Variants in TANK observed in about 807,000 individuals in gnomAD.
TANK encodes the protein TRAF family member associated NFKB activator.
TANK carries 15 observed loss-of-function variants against 43.6 expected under a neutral mutation model. The observed-to-expected ratio is 0.34, with a 90% CI of 0.23 to 0.53. The LOEUF (loss-of-function observed/expected upper bound fraction) is 0.53. Among genes scored for constraint, TANK ranks in the 20% least tolerant of loss-of-function variants. The pLI is 0.94. For missense variants in TANK, 417 were observed against 498.6 expected (o/e 0.84, Z 1.56); for synonymous variants, 162 against 178.2 (o/e 0.91, Z 0.73).
intron 1 of TANK, among the ~76,000 whole-genome samples, chr2:161,167,854 G>C (rs1684758682): frequency 6.6e-6 from 1 of 152,044 alleles, no homozygotes; most frequent in South Asian, 2.1e-4. Flanking sequence ...TCGATCTCCT[G>C]ACCTTGTGAT....
chr2:161,179,976 C>T (rs1447307281), intron 2 of TANK: 2 of 1,229,386 alleles, frequency 1.6e-6, no homozygotes, highest in Non-Finnish European at 2.0e-6. Context: ...TGATGGGCTC[C>T]TTTTCAGGTG....
chr2:161,149,846 T>C (rs927905644), intron 1 of TANK, among the ~76,000 whole-genome samples: 1 of 152,144 alleles, frequency 6.6e-6, no homozygotes, highest in Non-Finnish European at 1.5e-5. Context: ...CACTTGATCA[T>C]GATGTATAAT....
chr2:161,161,603 G>GA (rs1305642931), intron 1 of TANK: 90 of 976,320 alleles, frequency 9.2e-5, no homozygotes, highest in Non-Finnish European at 1.2e-4. Context: ...GCTTTCTTAT[G>GA]AAAATGAGAT....
At chr2:161,169,611 T>A (rs76808339) in intron 1 of TANK, among the ~76,000 whole-genome samples, 2,107 of 152,294 alleles carry the variant, frequency 0.014, 56 homozygotes, top group African/African-American at 0.048. Flanking sequence ...AGTCAAAATT[T>A]GTTGCGAAGG....
intron 6 of TANK, among the ~76,000 whole-genome samples, 164 bp downstream of exon 6, chr2:161,224,910 G>A (rs1687534479): frequency 1.3e-5 from 2 of 152,082 alleles, no homozygotes; most frequent in East Asian, 1.9e-4. Flanking sequence ...GTTCTGTAAT[G>A]TATTACATGT....
intron 2 of TANK, among the ~76,000 whole-genome samples, chr2:161,184,196 C>A (rs557738021): frequency 6.6e-6 from 1 of 152,118 alleles, no homozygotes; most frequent in African/African-American, 2.4e-5. Context: ...ATTAGTATGG[C>A]TAAGTAGTTT....
chr2:161,208,005 A>G (rs1359348141), intron 4 of TANK: 1 of 802,706 alleles, frequency 1.2e-6, no homozygotes, highest in African/African-American at 1.9e-5. Flanking sequence ...AAGTTAATAG[A>G]AATGCTTTGA....
intron 1 of TANK, among the ~76,000 whole-genome samples, chr2:161,152,867 T>C (rs1321418514): frequency 6.6e-6 from 1 of 152,186 alleles, no homozygotes; most frequent in Non-Finnish European, 1.5e-5. Flanking sequence ...GATAATTTGA[T>C]TATAATGCCT....
chr2:161,179,890 A>G (rs1263578064), intron 2 of TANK, 129 bp downstream of exon 2: 5 of 1,291,086 alleles, frequency 3.9e-6, no homozygotes, highest in South Asian at 2.5e-5. Context: ...ATGCAGGTAT[A>G]TATTAATGGA....
chr2:161,185,449 A>G (rs551083948), intron 2 of TANK, among the ~76,000 whole-genome samples: 1 of 152,090 alleles, frequency 6.6e-6, no homozygotes, highest in South Asian at 2.1e-4. Context: ...TGCAGAAGAT[A>G]AATAGAGTGA....
intron 1 of TANK, chr2:161,162,986 G>C (rs1684513580): frequency 6.6e-6 from 1 of 152,112 alleles, no homozygotes; most frequent in African/African-American, 2.4e-5. Flanking sequence ...TTTGCAGTTT[G>C]TGAACCAATC....
At chr2:161,186,149 A>G (rs1685655109) in intron 2 of TANK, among the ~76,000 whole-genome samples, 1 of 152,118 alleles carries the variant, frequency 6.6e-6, no homozygotes, top group Non-Finnish European at 1.5e-5. Context: ...AGATCACACA[A>G]CTGCACTCCA....
At chr2:161,145,408 T>G (rs1446133784) in intron 1 of TANK, among the ~76,000 whole-genome samples, 1 of 151,844 alleles carries the variant, frequency 6.6e-6, no homozygotes, top group Admixed American at 6.6e-5. Flanking sequence ...TGATGCAGTT[T>G]TTTCATAGTG....
At chr2:161,217,585 T>G (rs77579351) in intron 4 of TANK, among the ~76,000 whole-genome samples, 2 of 136,556 alleles carry the variant, frequency 1.5e-5, no homozygotes, top group African/African-American at 5.5e-5. Flanking sequence ...GGTAGTTGGT[T>G]TGTGTGTGTG....
At chr2:161,211,867 C>T in intron 4 of TANK, 3 of 985,174 alleles carry the variant, frequency 3.0e-6, no homozygotes, top group Non-Finnish European at 3.6e-6. Context: ...AAATGTACCG[C>T]TTCTCCTGGT....
chr2:161,142,387 A>G (rs59771801), intron 1 of TANK, among the ~76,000 whole-genome samples: 18,707 of 152,010 alleles, frequency 0.12, 1,863 homozygotes, highest in African/African-American at 0.26. Flanking sequence ...TCGTCATGAA[A>G]TCTTTGCCCA....
intron 7 of TANK, among the ~76,000 whole-genome samples, chr2:161,234,908 C>T (rs530171507): frequency 4.6e-5 from 7 of 152,236 alleles, no homozygotes; most frequent in African/African-American, 7.2e-5. Flanking sequence ...TTGATTAAGA[C>T]GCAATGCACA....
In TANK at chr2:161,218,407, T is replaced by C. The variant is rs891826892; in HGVS notation, c.328-5508T>C. On this transcript the variant is annotated intron_variant, in intron 4 of 7. Transcript: ENST00000392749. Reference sequence around the variant, plus strand: ...CCAGCAGCCAAGCATTATGGCTAAGTAGTTAAAGCTACTGGGGCAAAAAGG... The same window carrying C: ...CCAGCAGCCAAGCATTATGGCTAAGCAGTTAAAGCTACTGGGGCAAAAAGG... Among the ~76,000 whole-genome samples the C allele has an allele frequency of 3.9e-5, 6 of 152,210 alleles. No individual in the cohort carries two copies. The South Asian group carries it at 1.0e-3, about 26-fold the overall frequency.
At chr2:161,209,168 C>G (rs1214320064) in intron 4 of TANK, among the ~76,000 whole-genome samples, 1 of 152,150 alleles carries the variant, frequency 6.6e-6, no homozygotes, top group African/African-American at 2.4e-5. Context: ...TTCAAAAATT[C>G]TAATATGAAT....
Sources: gnomAD v4.1 joint callset for allele counts (sites outside exome capture counted in the v4.1 genomes callset) on GRCh38, gnomAD v4.1.1 for gene constraint, MANE v1.5 for transcripts, NCBI Gene and HGNC (gene_info 2026-07-23, HGNC 2026-07-21) for gene names.